ABCA13: variants seen among roughly 807,000 people sequenced by gnomAD.
The protein encoded by ABCA13 is ATP binding cassette subfamily A member 13.
ABCA13 carries 476 observed loss-of-function variants against 478.7 expected under a neutral mutation model. The ratio of observed to expected loss-of-function variants is 0.99; its 90% CI spans 0.92 to 1.07. The LOEUF (loss-of-function observed/expected upper bound fraction) is 1.07. Ranked by LOEUF, ABCA13 falls within the 50% of genes least tolerant of loss-of-function variation. The probability of loss-of-function intolerance (pLI) is 0.00; values close to 1 mark genes in which losing one functional copy is unlikely to be tolerated. For missense variants in ABCA13, 6,060 were observed against 5,910.6 expected (o/e 1.03, Z -0.83); for synonymous variants, 2,252 against 2,158.9 (o/e 1.04, Z -1.20).
intron 34 of ABCA13, among the ~76,000 whole-genome samples, chr7:48,375,672 C>G (rs1813365138): frequency 6.6e-6 from 1 of 151,814 alleles, no homozygotes; most frequent in Non-Finnish European, 1.5e-5. Context: ...AAATTTGACT[C>G]TAGCTATTGT....
intron 47 of ABCA13, among the ~76,000 whole-genome samples, chr7:48,487,805 G>T (rs1024208727): frequency 6.6e-6 from 1 of 152,146 alleles, no homozygotes; most frequent in Non-Finnish European, 1.5e-5. Flanking sequence ...AGGGGGCAGG[G>T]TGGCATGGGG....
intron 1 of ABCA13, among the ~76,000 whole-genome samples, chr7:48,182,559 G>A (rs566569746): frequency 6.6e-6 from 1 of 152,214 alleles, no homozygotes; most frequent in African/African-American, 2.4e-5. Context: ...AAAGTCTCTA[G>A]CTCAATGTTT....
intron 15 of ABCA13, among the ~76,000 whole-genome samples, chr7:48,249,912 C>T (rs1033239639): frequency 6.7e-6 from 1 of 149,670 alleles, no homozygotes; most frequent in Non-Finnish European, 1.5e-5. Flanking sequence ...CACTGTCTGC[C>T]TGGAATTAGC....
At chr7:48,598,467 A>G (rs1282698672) in intron 58 of ABCA13, among the ~76,000 whole-genome samples, 2 of 152,182 alleles carry the variant, frequency 1.3e-5, no homozygotes, top group Non-Finnish European at 2.9e-5. Context: ...GCTGGATCGG[A>G]TGGTAAGAGT....
At chr7:48,461,141 A>G (rs1460887336) in intron 43 of ABCA13, among the ~76,000 whole-genome samples, 2 of 152,236 alleles carry the variant, frequency 1.3e-5, no homozygotes, top group Non-Finnish European at 2.9e-5. Context: ...AGTAAATACT[A>G]GGATGGACCT....
intron 41 of ABCA13, among the ~76,000 whole-genome samples, chr7:48,422,334 CACTG>C (rs1281214891): frequency 2.0e-5 from 3 of 152,162 alleles, no homozygotes; most frequent in Non-Finnish European, 4.4e-5. Flanking sequence ...GTCTTGTTAA[CACTG>C]ACTGTGCTAT....
In ABCA13 at chr7:48,374,357, C is replaced by G. The variant is rs202145037; in HGVS notation, c.11144C>G (p.Ser3715Trp). ...TCAATCTGTGGGCAGTGCCTTCTTT[C>G]GACAACCGCCTTTGGACAAGGGGTA... ...FVNQTFLCLL[S>W]TTAFGQGVFF... The change falls in exon 34 of 62, where the codon TCG becomes TGG. Residue 3715 changes from serine to tryptophan, a missense_variant. By Grantham distance (177) the Ser-to-Trp change is radical (BLOSUM62 -3). Coordinates refer to ENST00000435803, the MANE Select transcript of ABCA13 (RefSeq NM_152701.5). The G allele has an allele frequency of 5.6e-6, 9 of 1,609,478 alleles. No homozygotes were observed. The highest frequency in any genetic ancestry group is 7.6e-6 in the Non-Finnish European group (9 of 1,178,186).
chr7:48,451,784 G>T (rs1825070607), intron 42 of ABCA13, among the ~76,000 whole-genome samples: 1 of 152,142 alleles, frequency 6.6e-6, no homozygotes, highest in Non-Finnish European at 1.5e-5. Context: ...ATTTCTCATA[G>T]GTGTTAATGT....
chr7:48,590,758 A>G (rs997075939), intron 57 of ABCA13, among the ~76,000 whole-genome samples: 6 of 152,108 alleles, frequency 3.9e-5, no homozygotes, highest in African/African-American at 1.4e-4. Flanking sequence ...ATCTTTTCAT[A>G]TACCTATTGG....
At chr7:48,557,067 G>A (rs2131233990) in intron 55 of ABCA13, among the ~76,000 whole-genome samples, 1 of 152,114 alleles carries the variant, frequency 6.6e-6, no homozygotes, top group African/African-American at 2.4e-5. Flanking sequence ...CAGGCAAAAG[G>A]AAACTACTAA....
chr7:48,455,807 A>C (rs1304287475), intron 43 of ABCA13, among the ~76,000 whole-genome samples: 3 of 152,246 alleles, frequency 2.0e-5, no homozygotes, highest in Non-Finnish European at 4.4e-5. Context: ...ATTGAGCAGG[A>C]TCTGTTGCCG....
chr7:48,429,274 A>G (rs1821826608), intron 42 of ABCA13, among the ~76,000 whole-genome samples: 2 of 152,194 alleles, frequency 1.3e-5, no homozygotes, highest in African/African-American at 2.4e-5. Flanking sequence ...TTTTGTGGAT[A>G]TGTTTTCTCT....
intron 22 of ABCA13, among the ~76,000 whole-genome samples, chr7:48,298,028 C>T (rs1238571526): frequency 6.6e-6 from 1 of 151,404 alleles, no homozygotes; most frequent in Admixed American, 6.6e-5. Context: ...TTTGATCTGC[C>T]CACCTCGGCC....
At chr7:48,616,894 T>A (rs1253499491) in intron 59 of ABCA13, among the ~76,000 whole-genome samples, 2 of 152,064 alleles carry the variant, frequency 1.3e-5, no homozygotes, top group African/African-American at 4.8e-5. Context: ...AAAAATTATA[T>A]CCAGGTGTGG....
chr7:48,374,765 G>T (rs576172580), intron 34 of ABCA13, among the ~76,000 whole-genome samples: 1 of 152,222 alleles, frequency 6.6e-6, no homozygotes, highest in East Asian at 1.9e-4. Context: ...TAGATCAGGG[G>T]TCCCCAACCC....
Position 48,271,902 on chromosome 7 carries a change from C to A in ABCA13, c.2236C>A (p.Pro746Thr), listed in dbSNP as rs1795664004. ...FVEFFEKLLL[P>T]NLFDSSIVPS... ...GGAATTTTTTGAGAAATTATTGTTG[C>A]CTAATCTTTTTGACTCCTCCATTGT... Residue 746 changes from proline to threonine, a missense_variant, in exon 17 of 62, where the codon CCT becomes ACT. Physicochemically the swap from Pro to Thr is conservative, Grantham distance 38. This residue lies in a region of ABCA13 where 4,423 missense variants were observed against 4,309.1 expected (regional missense o/e 1.03). Transcript: ENST00000435803. 1 of 1,613,120 alleles carries A rather than the reference C, an allele frequency of 6.2e-7. No homozygotes were observed. Among genetic ancestry groups the A allele is most frequent in the Non-Finnish European group, 8.5e-7 (1 of 1,179,486 alleles).
At chr7:48,482,138 C>T (rs1828834725) in intron 46 of ABCA13, among the ~76,000 whole-genome samples, 1 of 151,802 alleles carries the variant, frequency 6.6e-6, no homozygotes, top group East Asian at 1.9e-4. Context: ...AATTCCCACC[C>T]AGGAAAAATT....
At chr7:48,486,666 T>C (rs1829333630) in intron 47 of ABCA13, among the ~76,000 whole-genome samples, 1 of 152,150 alleles carries the variant, frequency 6.6e-6, no homozygotes, top group Non-Finnish European at 1.5e-5. Context: ...ATAACAACAA[T>C]TTCAAAGCTC....
At chr7:48,183,211 T>G (rs1276083660) in intron 1 of ABCA13, among the ~76,000 whole-genome samples, 1 of 152,208 alleles carries the variant, frequency 6.6e-6, no homozygotes, top group Non-Finnish European at 1.5e-5. Context: ...CAATTTTAGT[T>G]TTTGTACCTA....
Sources: allele counts gnomAD v4.1 joint callset (sites outside exome capture counted in the v4.1 genomes callset), GRCh38; gene constraint gnomAD v4.1.1; regional missense constraint gnomAD v4.1.1; transcripts MANE v1.5; gene names NCBI Gene and HGNC (gene_info 2026-07-23, HGNC 2026-07-21).